Variants in FLRT2 observed in about 807,000 individuals in gnomAD.
The protein encoded by FLRT2 is fibronectin leucine rich transmembrane protein 2.
FLRT2 carries 15 observed loss-of-function variants against 40.0 expected under a neutral mutation model. That is an observed-to-expected ratio of 0.38 (90% CI 0.25 to 0.58). The LOEUF (loss-of-function observed/expected upper bound fraction) is 0.58. Among genes scored for constraint, FLRT2 ranks in the 20% least tolerant of loss-of-function variants. The probability of loss-of-function intolerance (pLI) is 0.71; values close to 1 mark genes in which losing one functional copy is unlikely to be tolerated. For missense variants in FLRT2, 726 were observed against 840.0 expected, an observed-to-expected ratio of 0.86 and a Z score of 1.68; for synonymous variants, 380 against 336.8, an observed-to-expected ratio of 1.13 and a Z score of -1.41.
In FLRT2 at chr14:85,556,840, C is replaced by T. The variant is rs529196082; in HGVS notation, c.-377+26306C>T. Among the ~76,000 whole-genome samples the T allele has an allele frequency of 6.6e-4, 101 of 152,180 alleles. 3 individuals are homozygous for T. Among genetic ancestry groups the T allele is most frequent in the East Asian group, 3.9e-4 (2 of 5,186 alleles). On this transcript the variant is annotated intron_variant, in intron 1 of 1. Coordinates refer to ENST00000330753, the MANE Select transcript of FLRT2 (RefSeq NM_013231.6). ...TTGTGATATTAGTCTGTTTTCACGCCGCTAATAAAGACATACCCAAGACTG... is the reference window on the plus strand; with the variant it reads ...TTGTGATATTAGTCTGTTTTCACGCTGCTAATAAAGACATACCCAAGACTG...
rs763015462 is a variant in FLRT2 at position 85,622,945 on chromosome 14, C to T, written c.1431C>T (p.His477=). The T allele has an allele frequency of 1.9e-6, 3 of 1,614,182 alleles. No individual in the cohort carries two copies. Among genetic ancestry groups the T allele is most frequent in the Non-Finnish European group, 2.5e-6 (3 of 1,180,018 alleles). Residue 477 remains histidine (H), a synonymous_variant, in exon 2 of 2, where the codon CAC becomes CAT. Coordinates refer to ENST00000330753, the MANE Select transcript of FLRT2 (RefSeq NM_013231.6). ...QERIVSGEKQ[H]LSLVNLEPRS... ...GCATAGTCAGCGGTGAGAAGCAACA[C>T]CTGAGCCTGGTTAACTTAGAGCCCC... is the stretch of plus-strand genomic sequence containing the variant.
chr14:85,557,713 A>G (rs924524748), intron 1 of FLRT2, among the ~76,000 whole-genome samples: 2 of 152,160 alleles, frequency 1.3e-5, no homozygotes, highest in African/African-American at 4.8e-5. Context: ...GCTACTTGGG[A>G]GGCTGAGACA....
intron 1 of FLRT2, among the ~76,000 whole-genome samples, chr14:85,617,259 T>C (rs1221433632): frequency 6.6e-6 from 1 of 152,214 alleles, no homozygotes; most frequent in African/African-American, 2.4e-5. Context: ...TTCAGCTCTT[T>C]GGATATCATT....
chr14:85,569,403 A>T (rs994766330), intron 1 of FLRT2, among the ~76,000 whole-genome samples: 11 of 152,186 alleles, frequency 7.2e-5, no homozygotes, highest in Non-Finnish European at 1.5e-4. Flanking sequence ...CAGGGAGGGC[A>T]GAGTCTAGTG....
chr14:85,557,004 T>C (rs1434094408), intron 1 of FLRT2, among the ~76,000 whole-genome samples: 2 of 152,132 alleles, frequency 1.3e-5, no homozygotes, highest in African/African-American at 2.4e-5. Flanking sequence ...AAACCCCTGA[T>C]AAAACCATCA....
intron 1 of FLRT2, among the ~76,000 whole-genome samples, chr14:85,573,994 G>A (rs547989837): frequency 5.1e-4 from 78 of 152,278 alleles, no homozygotes; most frequent in African/African-American, 1.9e-3. Flanking sequence ...GCTCACCTGG[G>A]AGCTTGTAAA....
At chr14:85,541,390 A>G (rs1245778130) in intron 1 of FLRT2, among the ~76,000 whole-genome samples, 1 of 152,172 alleles carries the variant, frequency 6.6e-6, no homozygotes, top group Non-Finnish European at 1.5e-5. Context: ...AGAGGTAGAC[A>G]CAAAACCTAA....
intron 1 of FLRT2, among the ~76,000 whole-genome samples, chr14:85,617,980 A>T (rs1268117009): frequency 1.3e-5 from 2 of 152,230 alleles, no homozygotes; most frequent in Admixed American, 6.5e-5. Context: ...AGAGCCACTC[A>T]TGAGTAAAAT....
chr14:85,605,728 C>T (rs1160750772), intron 1 of FLRT2, among the ~76,000 whole-genome samples: 2 of 152,088 alleles, frequency 1.3e-5, no homozygotes, highest in Non-Finnish European at 2.9e-5. Context: ...CACCACTGCA[C>T]TCCATCCAGC....
At chr14:85,547,325 C>CTTT (rs57883277) in intron 1 of FLRT2, among the ~76,000 whole-genome samples, 7 of 139,336 alleles carry the variant, frequency 5.0e-5, no homozygotes, top group Middle Eastern at 3.8e-3. Context: ...TTCTTTCTTT[C>CTTT]TTTTTTTTTT....
At chr14:85,558,310 A>G (rs1890100904) in intron 1 of FLRT2, among the ~76,000 whole-genome samples, 1 of 152,066 alleles carries the variant, frequency 6.6e-6, no homozygotes, top group Non-Finnish European at 1.5e-5. Context: ...ATCCTTCAAC[A>G]TTTATCTTTG....
chr14:85,595,494 T>G (rs1182321425), intron 1 of FLRT2, among the ~76,000 whole-genome samples: 2 of 149,234 alleles, frequency 1.3e-5, no homozygotes, highest in Admixed American at 6.7e-5. Context: ...ATTGAGAAGG[T>G]GCTCAGTAAC....
At chr14:85,611,845 A>G (rs570486183) in intron 1 of FLRT2, among the ~76,000 whole-genome samples, 1 of 151,952 alleles carries the variant, frequency 6.6e-6, no homozygotes, top group South Asian at 2.1e-4. Context: ...CACATGGTTG[A>G]GTCAAGGATG....
chr14:85,616,143 A>ATT, intron 1 of FLRT2, among the ~76,000 whole-genome samples: 1 of 151,674 alleles, frequency 6.6e-6, no homozygotes, highest in East Asian at 1.9e-4. Flanking sequence ...CCCAAAGAGC[A>ATT]TTTTTTTTGC....
At chr14:85,530,876 C>T (rs372935269) in intron 1 of FLRT2, among the ~76,000 whole-genome samples, 1 of 152,144 alleles carries the variant, frequency 6.6e-6, no homozygotes, top group South Asian at 2.1e-4. Context: ...CAGTCTCCTA[C>T]TTCCCTAGAT....
chr14:85,622,605 C>G lies in FLRT2; in HGVS notation c.1091C>G (p.Thr364Ser), dbSNP rs1468012290. Residue 364 changes from threonine (T) to serine (S), a missense_variant, in exon 2 of 2, where the codon ACC becomes AGC. Transcript: ENST00000330753. Reference sequence around the variant, plus strand: ...AATCTTTTGTCCTGTCCCACCACGACCCCCGGCCTGCCTCTCTTCACCCCA... The same window carrying G: ...AATCTTTTGTCCTGTCCCACCACGAGCCCCGGCCTGCCTCTCTTCACCCCA... ...NMNLLSCPTT[T>S]PGLPLFTPAP... 1.9e-6 allele frequency: 3 copies of G among 1,613,458 alleles called. No homozygotes were observed. Among genetic ancestry groups the G allele is most frequent in the Admixed American group, 1.7e-5 (1 of 59,998 alleles).
intron 1 of FLRT2, among the ~76,000 whole-genome samples, chr14:85,616,104 G>C (rs527472112): frequency 1.8e-4 from 27 of 152,210 alleles, no homozygotes; most frequent in Non-Finnish European, 3.7e-4. Flanking sequence ...TCATCTTTAA[G>C]AGACTGGCAA....
intron 1 of FLRT2, among the ~76,000 whole-genome samples, chr14:85,592,789 C>CAA (rs34002874): frequency 0.35 from 31,314 of 89,912 alleles, 5,627 homozygotes; most frequent in Non-Finnish European, 0.39. Flanking sequence ...AACTCCGTCT[C>CAA]AAAAAAAAAA....
At chr14:85,567,546 G>T (rs1428671931) in intron 1 of FLRT2, among the ~76,000 whole-genome samples, 1 of 151,846 alleles carries the variant, frequency 6.6e-6, no homozygotes, top group East Asian at 1.9e-4. Context: ...CATAGTTAGA[G>T]TACCTGCTGT....
Sources: allele counts gnomAD v4.1 joint callset (sites outside exome capture counted in the v4.1 genomes callset), GRCh38; gene constraint gnomAD v4.1.1; transcripts MANE v1.5; gene names NCBI Gene and HGNC (gene_info 2026-07-23, HGNC 2026-07-21).